C11orf21: variants seen among roughly 807,000 people sequenced by gnomAD.
C11orf21 encodes the protein chromosome 11 open reading frame 21, also known as uncharacterized protein C11orf21.
C11orf21 carries 19 observed loss-of-function variants against 15.2 expected under a neutral mutation model. The observed-to-expected ratio is 1.25, with a 90% CI of 0.87 to 1.84. The LOEUF (loss-of-function observed/expected upper bound fraction) is 1.84, where lower values mean the gene tolerates loss of function less well. C11orf21 is among the 40% of genes most tolerant of loss of function. The pLI, the probability that C11orf21 is intolerant of heterozygous loss-of-function variation, is 0.00. For synonymous variants in C11orf21, 62 were observed against 66.8 expected (o/e 0.93, Z 0.35); for missense variants, 171 against 174.4 (o/e 0.98, Z 0.11).
rs1257926853 is a variant in C11orf21, at chr11:2,295,781, A to T, written c.*2169T>A. ...CAATATTGGTTCATCAATTGCAAAG[A>T]TGTATCACAGTAATTCAAGATATGA... On this transcript the variant is annotated 3_prime_UTR_variant, in exon 4 of 4. Transcript: ENST00000381153. This position sits in a 1 kb window ranked among gnomAD's most constrained non-coding sequence, Gnocchi z 5.4. The T allele has an allele frequency of 6.6e-6, 1 of 152,214 alleles. No homozygotes were observed. Among genetic ancestry groups the T allele is most frequent in the African/African-American group, 2.4e-5 (1 of 41,448 alleles). The allele number at this position is 152,214 out of a possible 1,614,324, so 9.4% of individuals were successfully genotyped here.
Position 2,300,501 on chromosome 11 carries a change from A to AG in C11orf21, c.147+18dup. 2 of 1,497,926 alleles carry AG rather than the reference A, an allele frequency of 1.3e-6. No individual in the cohort carries two copies. The highest frequency in any genetic ancestry group is 1.8e-6 in the Non-Finnish European group (2 of 1,111,430). The allele number at this position is 1,497,926 out of a possible 1,614,324, so 92.8% of individuals were successfully genotyped here. ...CTGCCCCCGCTGGTGGGGCACAGTGAGGGGGGCTGTGGTCAGACCTGGTCT... is the reference window on the plus strand; with the variant it reads ...CTGCCCCCGCTGGTGGGGCACAGTGAGGGGGGGCTGTGGTCAGACCTGGTCT... On this transcript the variant is annotated intron_variant, in intron 2 of 3. Coordinates refer to ENST00000381153, the MANE Select transcript of C11orf21 (RefSeq NM_001329958.2).
At chr11:2,301,501 T>C in intron 1 of C11orf21, 1 of 421,044 alleles carries the variant, frequency 2.4e-6, no homozygotes, top group East Asian at 3.8e-5. Context: ...AGGCCCCACG[T>C]GAGTGTGAGC....
At chr11:2,299,282 G>T in intron 3 of C11orf21, 146 bp downstream of exon 3, 1 of 821,890 alleles carries the variant, frequency 1.2e-6, no homozygotes, top group Non-Finnish European at 1.9e-6. Flanking sequence ...AGGTGCCCGC[G>T]TGGCCCCCAC....
upstream of C11orf21, chr11:2,302,576 A>G (rs965266008): frequency 1.8e-6 from 1 of 551,346 alleles, no homozygotes; most frequent in African/African-American, 1.9e-5. Context: ...CACTCCGTAG[A>G]CACAATGATC....
chr11:2,300,604 G>A lies in C11orf21; in HGVS notation c.63C>T (p.Pro21=). The part of the protein sequence containing the change: ...RRRPGRRSAV[P]RWPHLSSQSG... ...TTTGAGATGACAAGTGAGGCCACCT[G>A]GGCACAGCGCTGGTGTGAGAAGGAG... Residue 21 remains proline (P), a synonymous_variant, in exon 2 of 4, where the codon CCC becomes CCT. Coordinates refer to ENST00000381153, the MANE Select transcript of C11orf21 (RefSeq NM_001329958.2). The A allele has an allele frequency of 6.4e-7, 1 of 1,550,400 alleles. No individual in the cohort carries two copies. The highest frequency in any genetic ancestry group is 2.0e-5 in the Admixed American group (1 of 50,962).
At chr11:2,299,818 A>G in intron 2 of C11orf21, 111 bp from the exon 3 acceptor site, 1 of 632,202 alleles carries the variant, frequency 1.6e-6, no homozygotes, top group South Asian at 2.5e-5. Flanking sequence ...ATGCATGCAC[A>G]CACATCCACG....
chr11:2,302,936 G>A (rs1307606838), upstream of C11orf21: 31 of 1,613,454 alleles, frequency 1.9e-5, no homozygotes, highest in South Asian at 4.4e-5. Flanking sequence ...AGAAGAACCC[G>A]TACCAGGCTG....
In C11orf21 at chr11:2,301,870, G is replaced by C. The variant is rs1015101522; in HGVS notation, c.-62C>G. On this transcript the variant is annotated 5_prime_UTR_variant, in exon 1 of 4. Coordinates refer to ENST00000381153, the MANE Select transcript of C11orf21 (RefSeq NM_001329958.2). ...ACCAAGAACGAGGCCATGTCTTCCT[G>C]GGAAGGGCCTCAGATGTCAGCAAAT... The C allele has an allele frequency of 5.8e-6, 9 of 1,549,470 alleles. No individual in the cohort carries two copies. The highest frequency in any genetic ancestry group is 7.0e-6 in the Non-Finnish European group (8 of 1,146,786).
chr11:2,298,533 G>T (rs1041297047), intron 3 of C11orf21, among the ~76,000 whole-genome samples: 1 of 152,164 alleles, frequency 6.6e-6, no homozygotes, highest in South Asian at 2.1e-4. Flanking sequence ...TTCTGCCAGC[G>T]GGACCTTCCC....
At chr11:2,300,846 G>A (rs1457313028) in intron 1 of C11orf21, 4 of 1,385,378 alleles carry the variant, frequency 2.9e-6, no homozygotes, top group Non-Finnish European at 4.0e-6. Context: ...ACAGCCCGGG[G>A]GCCTCCTGCC....
chr11:2,299,100 C>T (rs1289810810), intron 3 of C11orf21, among the ~76,000 whole-genome samples: 1 of 152,182 alleles, frequency 6.6e-6, no homozygotes, highest in Non-Finnish European at 1.5e-5. Context: ...AAGGGGGCTG[C>T]CCAGGCAGTA....
At chr11:2,299,390 G>A (rs1847617371) in intron 3 of C11orf21, 38 bp downstream of exon 3, 12 of 1,533,738 alleles carry the variant, frequency 7.8e-6, no homozygotes, top group Non-Finnish European at 1.1e-5. Flanking sequence ...GACAGCACAG[G>A]GGCCCCCAGG....
Position 2,296,687 on chromosome 11 carries a change from GC to G in C11orf21, c.*1262del, listed in dbSNP as rs1365491835. 6.6e-6 allele frequency: 1 copy of G among 152,314 alleles called. No individual in the cohort carries two copies. The highest frequency in any genetic ancestry group is 1.5e-5 in the Non-Finnish European group (1 of 68,124). 9.4% of individuals were successfully genotyped at this position (152,314 alleles called of 1,614,324 possible). On this transcript the variant is annotated 3_prime_UTR_variant, in exon 4 of 4. Transcript: ENST00000381153. The surrounding 1 kb of genome is among the most constrained non-coding windows in gnomAD (Gnocchi z 5.6). ...GCCACCCATTGCTCCAGCTCCCGTG[GC>G]ACCGTGAGCCACCGGCCAAGGCCAC...
chr11:2,299,913 G>T (rs76143457), intron 2 of C11orf21, among the ~76,000 whole-genome samples: 2 of 151,436 alleles, frequency 1.3e-5, no homozygotes, highest in African/African-American at 2.4e-5. Context: ...TAAAGCCAGG[G>T]GCCCTTAGGC....
intron 3 of C11orf21, among the ~76,000 whole-genome samples, chr11:2,298,784 G>A (rs1250057109): frequency 2.6e-5 from 4 of 152,196 alleles, no homozygotes; most frequent in Non-Finnish European, 4.4e-5. Context: ...TATCTGTGAC[G>A]CAGGTGTGGG....
Position 2,300,843 on chromosome 11 carries a change from G to A in C11orf21, c.54-230C>T, listed in dbSNP as rs1255589473. On this transcript the variant is annotated intron_variant, in intron 1 of 3. Coordinates refer to ENST00000381153, the MANE Select transcript of C11orf21 (RefSeq NM_001329958.2). The stretch of plus-strand genomic sequence containing the variant: ...GACGGGCTGCCCACTTGCACAGCCC[G>A]GGGGCCTCCTGCCCCTAGACCTGGT... The A allele has an allele frequency of 4.2e-5, 58 of 1,396,980 alleles. 1 individual carries two copies. The highest frequency in any genetic ancestry group is 2.7e-4 in the East Asian group (11 of 40,158). The allele number at this position is 1,396,980 out of a possible 1,614,324, so 86.5% of individuals were successfully genotyped here.
At chr11:2,302,521 C>T (rs1370283634), upstream of C11orf21, among the ~76,000 whole-genome samples, 2 of 152,182 alleles carry the variant, frequency 1.3e-5, no homozygotes, top group Non-Finnish European at 2.9e-5. Context: ...GATCTTCTCC[C>T]CTTCCTGCCC....
At chr11:2,299,832 G>A (rs1284251286) in intron 2 of C11orf21, 125 bp from the exon 3 acceptor site, 4 of 500,404 alleles carry the variant, frequency 8.0e-6, no homozygotes, top group East Asian at 4.0e-5. Flanking sequence ...ATCCACGTCT[G>A]CACACGCATC....
At chr11:2,300,350 G>A (rs1274491768) in intron 2 of C11orf21, among the ~76,000 whole-genome samples, 170 bp downstream of exon 2, 2 of 149,132 alleles carry the variant, frequency 1.3e-5, no homozygotes, top group South Asian at 2.2e-4. Context: ...GGGGTGGGCA[G>A]GAGGGTGTGG....
Sources: gnomAD v4.1 joint callset for allele counts (sites outside exome capture counted in the v4.1 genomes callset) on GRCh38, gnomAD v4.1.1 for gene constraint, Gnocchi (gnomAD v3.1) non-coding constraint, MANE v1.5 for transcripts, NCBI Gene and HGNC (gene_info 2026-07-23, HGNC 2026-07-21) for gene names.